Variants in GADL1 observed in about 807,000 individuals in gnomAD.
GADL1 encodes acidic amino acid decarboxylase GADL1.
Under a neutral mutation model 69.5 loss-of-function variants are expected in GADL1, and 71 were observed. That is an observed-to-expected ratio of 1.02 (90% CI 0.84 to 1.25). The LOEUF (loss-of-function observed/expected upper bound fraction) is 1.25. GADL1 is among the 50% of genes most tolerant of loss of function. The probability of loss-of-function intolerance (pLI) is 0.00; values close to 1 mark genes in which losing one functional copy is unlikely to be tolerated. For synonymous variants in GADL1, 254 were observed against 214.4 expected (o/e 1.18, Z -1.62); for missense variants, 737 against 631.8 (o/e 1.17, Z -1.79).
chr3:30,765,096 CACTA>C (rs1406994548), intron 14 of GADL1, among the ~76,000 whole-genome samples: 61 of 149,270 alleles, frequency 4.1e-4, no homozygotes, highest in African/African-American at 1.4e-3. Flanking sequence ...CAACTTACAA[CACTA>C]ACTGCTAGAT....
At chr3:30,777,796 TCA>T (rs1696569701) in intron 14 of GADL1, among the ~76,000 whole-genome samples, 2 of 152,322 alleles carry the variant, frequency 1.3e-5, no homozygotes, top group African/African-American at 2.4e-5. Flanking sequence ...ACAAAAAGTA[TCA>T]GATTTAGACT....
intron 1 of GADL1, among the ~76,000 whole-genome samples, chr3:30,883,573 T>C (rs568064770): frequency 6.6e-6 from 1 of 152,168 alleles, no homozygotes; most frequent in African/African-American, 2.4e-5. Context: ...CAAATCAGAA[T>C]GTGTGAGTCC....
At chr3:30,735,322 T>C (rs1695527148) in intron 14 of GADL1, among the ~76,000 whole-genome samples, 1 of 152,214 alleles carries the variant, frequency 6.6e-6, no homozygotes, top group African/African-American at 2.4e-5. Flanking sequence ...TACATTGGTG[T>C]TTTGGCTGTA....
intron 13 of GADL1, 84 bp from the exon 14 acceptor site, chr3:30,778,352 T>A: frequency 1.2e-6 from 1 of 862,416 alleles, no homozygotes; most frequent in South Asian, 1.5e-5. Flanking sequence ...CTTAGCTAGT[T>A]TCTTCAAGAG....
intron 14 of GADL1, among the ~76,000 whole-genome samples, chr3:30,762,836 G>C (rs1402183477): frequency 8.1e-6 from 1 of 123,770 alleles, no homozygotes; most frequent in African/African-American, 3.1e-5. Context: ...GAAAACATGT[G>C]ATGTTAGTCT....
chr3:30,842,225 A>G (rs1697210709), intron 8 of GADL1, among the ~76,000 whole-genome samples: 1 of 152,198 alleles, frequency 6.6e-6, no homozygotes, highest in Admixed American at 6.5e-5. Flanking sequence ...ATATACACTG[A>G]AGATTTGATA....
In GADL1 at chr3:30,792,139, A is replaced by T. The variant is rs1332529991; in HGVS notation, c.1251-5733T>A. Among the ~76,000 whole-genome samples, 4 of 152,218 alleles carry T rather than the reference A, an allele frequency of 2.6e-5. No homozygotes were observed. The East Asian group carries it at 7.7e-4, about 29-fold the overall frequency. ...CAAGAGGAGATGCAGCTATTACTAT[A>T]ACAAAGGTCTTACACCAGAGTTTTC... On this transcript the variant is annotated intron_variant, in intron 12 of 14. Transcript: ENST00000282538.
chr3:30,728,052 A>T lies in GADL1; in HGVS notation c.*190T>A. The T allele has an allele frequency of 2.1e-6, 1 of 482,388 alleles. No individual in the cohort carries two copies. Among genetic ancestry groups the T allele is most frequent in the Admixed American group, 3.4e-5 (1 of 29,320 alleles). 29.9% of individuals were successfully genotyped at this position (482,388 alleles called of 1,614,324 possible). On this transcript the variant is annotated 3_prime_UTR_variant, in exon 15 of 15. Transcript: ENST00000282538. ...TTTTTTTAAACTTTCTTCTTTTAGC[A>T]ACAGTAATGCCCAGGCAGCTAGAGA...
At chr3:30,779,773 C>CT (rs1696617922) in intron 13 of GADL1, among the ~76,000 whole-genome samples, 1 of 152,196 alleles carries the variant, frequency 6.6e-6, no homozygotes, top group Admixed American at 6.5e-5. Context: ...TTTATTGCCT[C>CT]TCAGCCAGAA....
At chr3:30,746,125 A>G (rs1460925390) in intron 14 of GADL1, among the ~76,000 whole-genome samples, 1 of 151,942 alleles carries the variant, frequency 6.6e-6, no homozygotes, top group Non-Finnish European at 1.5e-5. Flanking sequence ...AGTAGCTGGG[A>G]TTGCAGGTGT....
At chr3:30,788,348 A>G (rs1381636711) in intron 12 of GADL1, among the ~76,000 whole-genome samples, 6 of 152,212 alleles carry the variant, frequency 3.9e-5, no homozygotes, top group African/African-American at 1.4e-4. Flanking sequence ...TTTACAGTAT[A>G]CTGTAGTCTG....
chr3:30,841,519 A>G (rs1428827717), intron 8 of GADL1, among the ~76,000 whole-genome samples: 1 of 152,270 alleles, frequency 6.6e-6, no homozygotes, highest in Non-Finnish European at 1.5e-5. Context: ...TAGGCAACAA[A>G]CTCACTATTT....
intron 1 of GADL1, among the ~76,000 whole-genome samples, chr3:30,888,736 C>T (rs1698743261): frequency 6.6e-6 from 1 of 151,792 alleles, no homozygotes; most frequent in Non-Finnish European, 1.5e-5. Context: ...TATCAGAGTG[C>T]CTATGAGGGA....
chr3:30,758,414 A>ATGT (rs376069286), intron 14 of GADL1, among the ~76,000 whole-genome samples: 1 of 40,474 alleles, frequency 2.5e-5, no homozygotes. Flanking sequence ...ATTGCCTTTT[A>ATGT]TCTTTCCCGT....
At chr3:30,826,403 T>G (rs922596661) in intron 11 of GADL1, among the ~76,000 whole-genome samples, 1 of 151,864 alleles carries the variant, frequency 6.6e-6, no homozygotes, top group Non-Finnish European at 1.5e-5. Context: ...GCTGCCAAGA[T>G]GAGTGAATTC....
At chr3:30,851,650 T>A (rs900404421) in intron 4 of GADL1, among the ~76,000 whole-genome samples, 4 of 139,526 alleles carry the variant, frequency 2.9e-5, no homozygotes, top group African/African-American at 1.2e-4. Context: ...CTACACCTGA[T>A]AACTGCTGGA....
At chr3:30,785,379 T>A (rs1470620922) in intron 13 of GADL1, among the ~76,000 whole-genome samples, 1 of 122,196 alleles carries the variant, frequency 8.2e-6, no homozygotes, top group Non-Finnish European at 1.6e-5. Context: ...TAGATTTCTT[T>A]TTCTTTTTTT....
intron 14 of GADL1, among the ~76,000 whole-genome samples, chr3:30,744,622 G>A (rs377510740): frequency 8.5e-5 from 13 of 152,314 alleles, no homozygotes; most frequent in East Asian, 5.8e-4. Context: ...ACCGAGGCGG[G>A]AGGATTGCTT....
intron 14 of GADL1, among the ~76,000 whole-genome samples, chr3:30,757,771 T>G (rs919617333): frequency 6.8e-6 from 1 of 147,630 alleles, no homozygotes; most frequent in Non-Finnish European, 1.5e-5. Context: ...CTCCCCTGTT[T>G]AAACAGTTCT....
Sources: allele counts gnomAD v4.1 joint callset (sites outside exome capture counted in the v4.1 genomes callset), GRCh38; gene constraint gnomAD v4.1.1; transcripts MANE v1.5; gene names NCBI Gene and HGNC (gene_info 2026-07-23, HGNC 2026-07-21).